The following GALNT14 variants were observed in gnomAD, a reference collection of about 807,000 sequenced individuals.
The protein encoded by GALNT14 is UDP-GalNAc:polypeptide N-acetylgalactosaminyltransferase 14.
Under a neutral mutation model 77.5 loss-of-function variants are expected in GALNT14, and 60 were observed. The observed-to-expected ratio is 0.77, with a 90% CI of 0.63 to 0.96. The LOEUF (loss-of-function observed/expected upper bound fraction) is 0.96, where lower values mean the gene tolerates loss of function less well. Among genes scored for constraint, GALNT14 ranks in the 40% least tolerant of loss-of-function variants. GALNT14 has a pLI of 0.00. For synonymous variants in GALNT14, 280 were observed against 281.7 expected (o/e 0.99, Z 0.06); for missense variants, 710 against 731.0 (o/e 0.97, Z 0.33).
At chr2:30,942,949 AC>A (rs1362443876) in intron 8 of GALNT14, among the ~76,000 whole-genome samples, 1 of 152,142 alleles carries the variant, frequency 6.6e-6, no homozygotes, top group African/African-American at 2.4e-5. Flanking sequence ...GCCCAATATG[AC>A]TGGTGTCCTT....
intron 7 of GALNT14, 124 bp downstream of exon 7, chr2:30,945,659 C>T: frequency 1.3e-6 from 1 of 745,934 alleles, no homozygotes; most frequent in Non-Finnish European, 2.3e-6. Flanking sequence ...AATTATAGTG[C>T]AGGTTGCAGG....
At chr2:30,927,963 G>A (rs1434116628) in intron 11 of GALNT14, among the ~76,000 whole-genome samples, 1 of 152,148 alleles carries the variant, frequency 6.6e-6, no homozygotes, top group African/African-American at 2.4e-5. Flanking sequence ...CTGTGGGGAT[G>A]GTGTTGCTAG....
chr2:30,910,921 A>G lies in GALNT14; in HGVS notation c.1639T>C (p.Trp547Arg). 6.2e-7 allele frequency: 1 copy of G among 1,613,138 alleles called. No homozygotes were observed. Among genetic ancestry groups the G allele is most frequent in the African/African-American group, 1.3e-5 (1 of 74,674 alleles). ...PCESSLMSQH[W>R]DMVSS ...GGTCCTCAAGAGCTCACCATGTCCC[A>G]GTGCTGGCTCATGAGTGAGGACTCA... is the stretch of plus-strand genomic sequence containing the variant. The change falls in exon 15 of 15, where the codon TGG becomes CGG. Residue 547 changes from tryptophan (W) to arginine (R), a missense_variant. Coordinates refer to ENST00000349752, the MANE Select transcript of GALNT14 (RefSeq NM_024572.4).
At chr2:30,914,203 G>A (rs1251461896) in intron 13 of GALNT14, among the ~76,000 whole-genome samples, 1 of 152,178 alleles carries the variant, frequency 6.6e-6, no homozygotes, top group East Asian at 1.9e-4. Context: ...TCATTTTATA[G>A]ATGATGAAAC....
At chr2:30,953,052 C>T (rs1479457040) in intron 6 of GALNT14, among the ~76,000 whole-genome samples, 1 of 152,214 alleles carries the variant, frequency 6.6e-6, no homozygotes, top group African/African-American at 2.4e-5. Flanking sequence ...CAGCTAAGTA[C>T]TCCTAGACTC....
At chr2:31,029,037 T>A (rs1672247227) in intron 1 of GALNT14, among the ~76,000 whole-genome samples, 1 of 152,084 alleles carries the variant, frequency 6.6e-6, no homozygotes, top group Admixed American at 6.5e-5. Flanking sequence ...TGGGGGTTGC[T>A]CCCTGAGCCC....
At chr2:30,924,392 G>T in intron 12 of GALNT14, 129 bp from the exon 13 acceptor site, 1 of 972,730 alleles carries the variant, frequency 1.0e-6, no homozygotes, top group East Asian at 2.4e-5. Context: ...TGCACTGCTC[G>T]GGGAAGGGCA....
chr2:31,114,813 C>T, intron 1 of GALNT14: 1 of 717,508 alleles, frequency 1.4e-6, no homozygotes, highest in Non-Finnish European at 2.6e-6. Context: ...AAATGACATA[C>T]AGCAAGGTGT....
At chr2:31,007,430 C>A (rs1242143215) in intron 1 of GALNT14, among the ~76,000 whole-genome samples, 4 of 152,152 alleles carry the variant, frequency 2.6e-5, no homozygotes, top group African/African-American at 9.7e-5. Flanking sequence ...AATTGCTCCC[C>A]AAATGACACG....
chr2:30,997,157 A>T (rs1177681227), intron 1 of GALNT14, among the ~76,000 whole-genome samples: 1 of 152,146 alleles, frequency 6.6e-6, no homozygotes, highest in Non-Finnish European at 1.5e-5. Flanking sequence ...ACCTCCCAAC[A>T]CCAAAGACAG....
intron 3 of GALNT14, among the ~76,000 whole-genome samples, chr2:30,962,934 T>C (rs1468759760): frequency 6.6e-6 from 1 of 152,148 alleles, no homozygotes; most frequent in Admixed American, 6.5e-5. Context: ...AGGTATAGAA[T>C]CTTAAGGCAT....
intron 1 of GALNT14, among the ~76,000 whole-genome samples, chr2:31,059,538 C>G (rs1289169565): frequency 1.3e-5 from 2 of 152,036 alleles, no homozygotes; most frequent in Non-Finnish European, 2.9e-5. Context: ...GATTAGTGCC[C>G]TTATAAGAGA....
chr2:30,907,459 G>A (rs999762934), downstream of GALNT14, among the ~76,000 whole-genome samples: 10 of 152,216 alleles, frequency 6.6e-5, no homozygotes, highest in African/African-American at 2.4e-4. Flanking sequence ...AGAAAATCTA[G>A]AAGAAATGGA....
chr2:31,099,267 G>T (rs549010897), intron 1 of GALNT14, among the ~76,000 whole-genome samples: 1 of 151,732 alleles, frequency 6.6e-6, no homozygotes, highest in African/African-American at 2.4e-5. Context: ...TGCATTGCCC[G>T]TTTATATCCT....
chr2:31,120,510 C>T lies in GALNT14; in HGVS notation c.129+17448G>A, dbSNP rs113595959. ...ATCCATTTTGATTTTCTCTCTACAA[C>T]TTTTTTCAACGTATATATCTTGTTT... On this transcript the variant is annotated intron_variant, in intron 1 of 14. Transcript: ENST00000349752. Among the ~76,000 whole-genome samples the T allele has an allele frequency of 3.8e-3, 572 of 152,254 alleles. 1 individual carries two copies. The highest frequency in any genetic ancestry group is 0.013 in the African/African-American group (535 of 41,542).
chr2:31,138,377 ACGCCGCCACCGCGGCTGCCGCCGCCGC>A lies in GALNT14; in HGVS notation c.-318_-292del, dbSNP rs1325874297. On this transcript the variant is annotated 5_prime_UTR_variant, in exon 1 of 15. Coordinates refer to ENST00000349752, the MANE Select transcript of GALNT14 (RefSeq NM_024572.4). ...CGCGGTGGCTGCCGAGATGTTCCCC[ACGCCGCCACCGCGGCTGCCGCCGCCGC>A]CGCCGCCGCCTTGCCCGCTGCCGCC... is the stretch of plus-strand genomic sequence containing the variant. The A allele has an allele frequency of 5.2e-6, 2 of 384,688 alleles. No homozygotes were observed. Among genetic ancestry groups the A allele is most frequent in the Non-Finnish European group, 9.3e-6 (2 of 215,730 alleles). The allele number at this position is 384,688 out of a possible 1,614,324, so 23.8% of individuals were successfully genotyped here.
At chr2:31,132,291 G>A (rs922175785) in intron 1 of GALNT14, among the ~76,000 whole-genome samples, 1 of 152,194 alleles carries the variant, frequency 6.6e-6, no homozygotes, top group Non-Finnish European at 1.5e-5. Flanking sequence ...CAGTGGTTTT[G>A]TTTTTGTTTT....
chr2:30,970,775 C>T (rs561619325), intron 2 of GALNT14, among the ~76,000 whole-genome samples: 8 of 152,198 alleles, frequency 5.3e-5, no homozygotes, highest in Non-Finnish European at 1.0e-4. Context: ...TAGTGGGGTG[C>T]CATCCCCCAC....
At chr2:31,121,863 C>T (rs997041883) in intron 1 of GALNT14, among the ~76,000 whole-genome samples, 5 of 152,266 alleles carry the variant, frequency 3.3e-5, no homozygotes, top group African/African-American at 1.2e-4. Context: ...CACCTCTGCC[C>T]TGCCCCAACC....
Sources: allele counts gnomAD v4.1 joint callset (sites outside exome capture counted in the v4.1 genomes callset), GRCh38; gene constraint gnomAD v4.1.1; transcripts MANE v1.5; gene names NCBI Gene and HGNC (gene_info 2026-07-23, HGNC 2026-07-21).